Variants in SLC44A3 observed in about 807,000 individuals in gnomAD.
SLC44A3 encodes solute carrier family 44 member 3, also known as choline transporter-like protein 3.
Under a neutral mutation model 75.4 loss-of-function variants are expected in SLC44A3, and 74 were observed. That is an observed-to-expected ratio of 0.98 (90% CI 0.81 to 1.19). The LOEUF (loss-of-function observed/expected upper bound fraction) is 1.19, where lower values mean the gene tolerates loss of function less well. Ranked by LOEUF, SLC44A3 falls within the 50% of genes most tolerant of loss-of-function variation. The pLI, the probability that SLC44A3 is intolerant of heterozygous loss-of-function variation, is 0.00. For synonymous variants in SLC44A3, 310 were observed against 296.9 expected (o/e 1.04, Z -0.45); for missense variants, 700 against 778.6 (o/e 0.90, Z 1.20).
At chr1:94,888,582 A>T in intron 12 of SLC44A3, 1 of 836,976 alleles carries the variant, frequency 1.2e-6, no homozygotes. Flanking sequence ...GAGATTTTCA[A>T]AGCAAATTTC....
intron 12 of SLC44A3, among the ~76,000 whole-genome samples, chr1:94,878,213 C>T (rs537212588): frequency 3.3e-5 from 5 of 151,872 alleles, no homozygotes; most frequent in African/African-American, 4.8e-5. Flanking sequence ...CCAACCTGGG[C>T]GACAGCGAGA....
At chr1:94,875,126 G>A (rs887661862) in intron 12 of SLC44A3, among the ~76,000 whole-genome samples, 5 of 152,114 alleles carry the variant, frequency 3.3e-5, no homozygotes, top group East Asian at 3.9e-4. Flanking sequence ...CAGGTGGATC[G>A]CAAAAGAGAA....
At chr1:94,872,485 T>C (rs1230254484) in intron 12 of SLC44A3, among the ~76,000 whole-genome samples, 3 of 152,138 alleles carry the variant, frequency 2.0e-5, no homozygotes, top group African/African-American at 7.2e-5. Context: ...GAAGTGGGAA[T>C]GGGTATAGGC....
intron 10 of SLC44A3, 50 bp from the exon 11 acceptor site, chr1:94,864,693 C>T: frequency 6.4e-7 from 1 of 1,570,700 alleles, no homozygotes; most frequent in South Asian, 1.2e-5. Context: ...AGAGCTTTTG[C>T]TGCTTTATAA....
At chr1:94,892,554 G>A in intron 14 of SLC44A3, 37 bp downstream of exon 14, 1 of 1,584,894 alleles carries the variant, frequency 6.3e-7, no homozygotes, top group Non-Finnish European at 8.7e-7. Flanking sequence ...CAATCTCCAT[G>A]CTCGCAATCT....
intron 9 of SLC44A3, among the ~76,000 whole-genome samples, chr1:94,854,627 C>T (rs1259356760): frequency 2.0e-5 from 3 of 152,340 alleles, no homozygotes; most frequent in Non-Finnish European, 1.5e-5. Context: ...GCTCTGCAAC[C>T]GCAGACTCCG....
At chr1:94,882,911 C>T (rs1246765535) in intron 12 of SLC44A3, among the ~76,000 whole-genome samples, 2 of 147,604 alleles carry the variant, frequency 1.4e-5, no homozygotes, top group Admixed American at 6.9e-5. Flanking sequence ...TCTAGGATGC[C>T]TTTTAATCCA....
intron 9 of SLC44A3, among the ~76,000 whole-genome samples, chr1:94,847,151 C>G (rs1664511222): frequency 6.6e-6 from 1 of 152,214 alleles, no homozygotes; most frequent in African/African-American, 2.4e-5. Flanking sequence ...AAAGAAAACT[C>G]AAAACAACAG....
intron 10 of SLC44A3, among the ~76,000 whole-genome samples, chr1:94,857,797 C>A (rs1257028238): frequency 6.7e-6 from 1 of 148,278 alleles, no homozygotes; most frequent in Middle Eastern, 3.2e-3. Context: ...GCTGCTCTGC[C>A]TATGGAGTAG....
intron 2 of SLC44A3, among the ~76,000 whole-genome samples, chr1:94,824,207 A>G (rs1660988362): frequency 6.6e-6 from 1 of 152,238 alleles, no homozygotes; most frequent in Non-Finnish European, 1.5e-5. Flanking sequence ...CAAAAAGAAA[A>G]ATGATAGACT....
At chr1:94,848,072 C>G (rs1305166929) in intron 9 of SLC44A3, among the ~76,000 whole-genome samples, 1 of 151,882 alleles carries the variant, frequency 6.6e-6, no homozygotes, top group Non-Finnish European at 1.5e-5. Flanking sequence ...ACTAAAAATA[C>G]AGAAAACTTA....
chr1:94,882,105 C>A lies in SLC44A3; in HGVS notation c.1483-9025C>A, dbSNP rs191437260. Among the ~76,000 whole-genome samples the A allele has an allele frequency of 3.3e-5, 5 of 152,314 alleles. No individual in the cohort carries two copies. The South Asian group carries it at 1.0e-3, about 32-fold the overall frequency. On this transcript the variant is annotated intron_variant, in intron 12 of 14. Transcript: ENST00000271227. Reference sequence around the variant, plus strand: ...CTGAGTTGGCCCAGTATGCCAGGCACCATGGTAAACATTTGGCATACACAG... The same window carrying A: ...CTGAGTTGGCCCAGTATGCCAGGCAACATGGTAAACATTTGGCATACACAG...
At position 94,885,224 on chromosome 1, in the gene SLC44A3, C is replaced by CAAAAAAAAAAAAAAAAAAAAAAA. The variant is rs60440950; in HGVS notation, c.1483-5887_1483-5886insAAAAAAAAAAAAAAAAAAAAAAA. Among the ~76,000 whole-genome samples, 3 of 82,848 alleles carry CAAAAAAAAAAAAAAAAAAAAAAA rather than the reference C, an allele frequency of 3.6e-5. 1 individual carries two copies. Among genetic ancestry groups the CAAAAAAAAAAAAAAAAAAAAAAA allele is most frequent in the African/African-American group, 4.8e-5 (1 of 20,908 alleles). The allele number at this position is 82,848 out of a possible 152,430, so 54.4% of individuals were successfully genotyped here. ...TGGGCGACAGAGTGAGACTCCCTCT[C>CAAAAAAAAAAAAAAAAAAAAAAA]AAAAAAAAAAAAAAAAAAAGAGGCA... is the stretch of plus-strand genomic sequence containing the variant. On this transcript the variant is annotated intron_variant, in intron 12 of 14. Transcript: ENST00000271227.
chr1:94,865,018 A>G, intron 11 of SLC44A3, 119 bp downstream of exon 11: 1 of 1,043,388 alleles, frequency 9.6e-7, no homozygotes. Flanking sequence ...GGCCGTGCAG[A>G]AAGCTCCTGC....
chr1:94,861,730 T>C (rs988965066), intron 10 of SLC44A3, among the ~76,000 whole-genome samples: 2 of 152,186 alleles, frequency 1.3e-5, no homozygotes, highest in African/African-American at 4.8e-5. Flanking sequence ...ATCTTTGTCA[T>C]TCATTTATGC....
At chr1:94,881,895 C>A (rs1669043269) in intron 12 of SLC44A3, among the ~76,000 whole-genome samples, 1 of 151,774 alleles carries the variant, frequency 6.6e-6, no homozygotes, top group Non-Finnish European at 1.5e-5. Flanking sequence ...TGGCACGTGC[C>A]TGTAGTCCCA....
At chr1:94,871,534 G>A (rs533689646) in intron 12 of SLC44A3, among the ~76,000 whole-genome samples, 3 of 152,266 alleles carry the variant, frequency 2.0e-5, no homozygotes, top group Non-Finnish European at 4.4e-5. Context: ...TTCTTACCAG[G>A]TCTGCACACA....
chr1:94,843,753 A>G (rs1664003115), intron 8 of SLC44A3, among the ~76,000 whole-genome samples: 1 of 151,812 alleles, frequency 6.6e-6, no homozygotes, highest in African/African-American at 2.4e-5. Flanking sequence ...GATAGGTTTG[A>G]TCTTTCTCCA....
At chr1:94,820,649 C>T in intron 1 of SLC44A3, 171 bp downstream of exon 1, 5 of 1,384,190 alleles carry the variant, frequency 3.6e-6, no homozygotes, top group Non-Finnish European at 3.7e-6. Context: ...GACCCTGCTC[C>T]AGTGCTGGGG....
Sources: allele counts gnomAD v4.1 joint callset (sites outside exome capture counted in the v4.1 genomes callset), GRCh38; gene constraint gnomAD v4.1.1; transcripts MANE v1.5; gene names NCBI Gene and HGNC (gene_info 2026-07-23, HGNC 2026-07-21).